Variants in GRB10 observed in about 807,000 individuals in gnomAD.
GRB10 encodes growth factor receptor-bound protein 10.
In GRB10, 20 loss-of-function variants were observed where a neutral mutation model predicts 80.9. The observed-to-expected ratio is 0.25, with a 90% confidence interval of 0.17 to 0.36. The LOEUF (loss-of-function observed/expected upper bound fraction) is 0.36, where lower values mean the gene tolerates loss of function less well. Among genes scored for constraint, GRB10 ranks in the 10% least tolerant of loss-of-function variants. The probability of loss-of-function intolerance (pLI) is 1.00; values close to 1 mark genes in which losing one functional copy is unlikely to be tolerated. For missense variants in GRB10, 548 were observed against 747.7 expected, an observed-to-expected ratio of 0.73 and a Z score of 3.12; for synonymous variants, 291 against 291.5, an observed-to-expected ratio of 1.00 and a Z score of 0.02.
chr7:50,672,870 A>ACAAGG (rs1258301487), intron 6 of GRB10, among the ~76,000 whole-genome samples: 1 of 152,256 alleles, frequency 6.6e-6, no homozygotes, highest in African/African-American at 2.4e-5. Context: ...GGAGCTAAGT[A>ACAAGG]CAAGGGGTCA....
chr7:50,731,768 G>A (rs756528697), intron 4 of GRB10, among the ~76,000 whole-genome samples: 13 of 152,188 alleles, frequency 8.5e-5, no homozygotes, highest in Admixed American at 2.0e-4. Flanking sequence ...GGGCTCTCAG[G>A]AAAGGAAAGA....
chr7:50,776,812 A>G (rs2077702959), intron 2 of GRB10, among the ~76,000 whole-genome samples: 1 of 152,174 alleles, frequency 6.6e-6, no homozygotes, highest in Non-Finnish European at 1.5e-5. Flanking sequence ...TGTCTATAAT[A>G]CTACCAGCAT....
At chr7:50,791,385 ACATACCTGACC>A (rs1259594895) in intron 1 of GRB10, among the ~76,000 whole-genome samples, 1 of 152,220 alleles carries the variant, frequency 6.6e-6, no homozygotes, top group Non-Finnish European at 1.5e-5. Flanking sequence ...GGCAGGCTAT[ACATACCTGACC>A]CACGCCATTT....
intron 4 of GRB10, 72 bp downstream of exon 4, chr7:50,732,200 C>T (rs2069895765): frequency 6.8e-7 from 1 of 1,472,654 alleles, no homozygotes. Context: ...TCCATGGCTG[C>T]TGGCGACATG....
chr7:50,617,907 G>A (rs997284069), intron 10 of GRB10, 164 bp downstream of exon 10: 35 of 677,782 alleles, frequency 5.2e-5, no homozygotes, highest in Admixed American at 1.5e-4. Context: ...TTAATTTCTG[G>A]TTACTCTAAA....
intron 7 of GRB10, among the ~76,000 whole-genome samples, chr7:50,659,531 G>A (rs2059008671): frequency 6.6e-6 from 1 of 152,216 alleles, no homozygotes. Context: ...GCTCAAGGCT[G>A]GACGCAGGGC....
chr7:50,752,047 C>T (rs1355640353), intron 3 of GRB10, among the ~76,000 whole-genome samples: 2 of 152,126 alleles, frequency 1.3e-5, no homozygotes, highest in African/African-American at 4.8e-5. Context: ...ATGAATGATG[C>T]CTGACCCAAG....
At chr7:50,613,742 G>A (rs1325266169) in intron 12 of GRB10, among the ~76,000 whole-genome samples, 3 of 152,200 alleles carry the variant, frequency 2.0e-5, no homozygotes, top group African/African-American at 4.8e-5. Flanking sequence ...GCCTGAGGCT[G>A]CCTTGGGCCT....
chr7:50,699,142 T>G (rs1245141036), intron 5 of GRB10, among the ~76,000 whole-genome samples: 8 of 152,248 alleles, frequency 5.3e-5, no homozygotes, highest in African/African-American at 1.9e-4. Flanking sequence ...TATATCTGCT[T>G]AGAGAATTCT....
chr7:50,710,983 T>C, intron 4 of GRB10: 1 of 1,312,814 alleles, frequency 7.6e-7, no homozygotes, highest in Non-Finnish European at 1.1e-6. Flanking sequence ...GCACAATATT[T>C]TCAGAACCTG....
intron 2 of GRB10, among the ~76,000 whole-genome samples, chr7:50,769,980 A>G (rs886412994): frequency 2.4e-4 from 36 of 152,210 alleles, no homozygotes; most frequent in Non-Finnish European, 5.0e-4. Flanking sequence ...ATACCTGGGC[A>G]GCCAACACAG....
chr7:50,780,533 A>G (rs1280621735), intron 2 of GRB10, 94 bp downstream of exon 2: 2 of 152,202 alleles, frequency 1.3e-5, no homozygotes, highest in Non-Finnish European at 2.9e-5. Flanking sequence ...ACTTGTAAGA[A>G]TCACCTGGCA....
chr7:50,766,485 T>A (rs1403696847), intron 2 of GRB10, among the ~76,000 whole-genome samples: 2 of 151,912 alleles, frequency 1.3e-5, no homozygotes, highest in Non-Finnish European at 2.9e-5. Context: ...AAAGGAGTTT[T>A]AAAAAAAAGG....
chr7:50,613,237 G>A (rs961627064), intron 12 of GRB10, among the ~76,000 whole-genome samples: 1 of 152,142 alleles, frequency 6.6e-6, no homozygotes. Flanking sequence ...CTTACAGGAG[G>A]AGAGATCTTA....
Position 50,630,464 on chromosome 7 carries a change from T to C in GRB10, c.505-3486A>G, listed in dbSNP as rs540279343. On this transcript the variant is annotated intron_variant, in intron 7 of 18. Transcript: ENST00000401949. Reference sequence around the variant, plus strand: ...CCTGGCCCCTGACACGTGCCCTCCCTGGGACGTGCTTGGATCCACCGTGGA... The same window carrying C: ...CCTGGCCCCTGACACGTGCCCTCCCCGGGACGTGCTTGGATCCACCGTGGA... Among the ~76,000 whole-genome samples, 3 of 152,302 alleles carry C rather than the reference T, an allele frequency of 2.0e-5. No individual in the cohort carries two copies. In the East Asian group the frequency reaches 5.8e-4, roughly 29 times the overall value.
chr7:50,591,298 C>G lies in GRB10; in HGVS notation c.*1654G>C, dbSNP rs568175182. The G allele has an allele frequency of 6.6e-6, 1 of 152,356 alleles. No homozygotes were observed. The highest frequency in any genetic ancestry group is 2.1e-4 in the South Asian group (1 of 4,826). 9.4% of individuals were successfully genotyped at this position (152,356 alleles called of 1,614,324 possible). On this transcript the variant is annotated 3_prime_UTR_variant, in exon 19 of 19. Coordinates refer to ENST00000401949, the MANE Select transcript of GRB10 (RefSeq NM_001350814.2). ...GTGTTACTATACGGTAGACTGACTT[C>G]CAGCTGACTGGCCTTACTGAAGCTT...
At chr7:50,748,417 C>T (rs879632039) in intron 3 of GRB10, among the ~76,000 whole-genome samples, 3 of 152,060 alleles carry the variant, frequency 2.0e-5, no homozygotes, top group South Asian at 2.1e-4. Context: ...GAGCTGAGCT[C>T]GGGAAAGTGT....
intron 7 of GRB10, among the ~76,000 whole-genome samples, chr7:50,631,745 G>A (rs1369718234): frequency 6.6e-6 from 1 of 152,350 alleles, no homozygotes; most frequent in East Asian, 1.9e-4. Context: ...GGGGCCTTGA[G>A]GAGAAAGCAG....
intron 10 of GRB10, among the ~76,000 whole-genome samples, chr7:50,617,410 T>TAC (rs2050851465): frequency 1.3e-5 from 2 of 152,180 alleles, no homozygotes; most frequent in South Asian, 4.1e-4. Context: ...TTTTAACATG[T>TAC]ACACAGGCAC....
Sources: allele counts gnomAD v4.1 joint callset (sites outside exome capture counted in the v4.1 genomes callset), GRCh38; gene constraint gnomAD v4.1.1; transcripts MANE v1.5; gene names NCBI Gene and HGNC (gene_info 2026-07-23, HGNC 2026-07-21).